PACRG: variants seen among roughly 807,000 people sequenced by gnomAD.
PACRG encodes the protein parkin coregulated.
Under a neutral mutation model 29.7 loss-of-function variants are expected in PACRG, and 29 were observed. The observed-to-expected ratio is 0.98, with a 90% CI of 0.73 to 1.33. The LOEUF (loss-of-function observed/expected upper bound fraction) is 1.33, where lower values mean the gene tolerates loss of function less well. Among genes scored for constraint, PACRG ranks in the 40% most tolerant of loss-of-function variants. PACRG has a pLI of 0.00. For missense variants in PACRG, 279 were observed against 316.2 expected (o/e 0.88, Z 0.89); for synonymous variants, 116 against 118.7 (o/e 0.98, Z 0.15).
chr6:163,172,935 A>G (rs1333567556), intron 4 of PACRG, among the ~76,000 whole-genome samples: 1 of 152,278 alleles, frequency 6.6e-6, no homozygotes, highest in African/African-American at 2.4e-5. Context: ...TACCAATATG[A>G]AAATGGCTAA....
chr6:163,273,740 A>G (rs1370506937), intron 4 of PACRG, among the ~76,000 whole-genome samples: 1 of 151,986 alleles, frequency 6.6e-6, no homozygotes, highest in Admixed American at 6.5e-5. Flanking sequence ...ATTGGCTCAT[A>G]TATTTCACTA....
intron 2 of PACRG, chr6:162,997,292 G>A (rs184180471): frequency 3.3e-5 from 11 of 331,648 alleles, no homozygotes; most frequent in Admixed American, 2.1e-4. Context: ...TTGGATTGTC[G>A]GAATGCATCT....
intron 2 of PACRG, among the ~76,000 whole-genome samples, chr6:162,967,866 C>G (rs1331679529): frequency 6.6e-6 from 1 of 152,110 alleles, no homozygotes; most frequent in Non-Finnish European, 1.5e-5. Flanking sequence ...AAAAATGAGT[C>G]TATCAAACAA....
rs189394682 is a variant in PACRG at position 162,883,126 on chromosome 6, A to G, written c.291+68845A>G. Among the ~76,000 whole-genome samples, 377 of 152,176 alleles carry G rather than the reference A, an allele frequency of 2.5e-3. 2 individuals are homozygous for G. Among genetic ancestry groups the G allele is most frequent in the Non-Finnish European group, 4.1e-3 (282 of 68,006 alleles). Reference sequence around the variant, plus strand: ...TTAAATGATTAAAAATCAGAATTAAAGTCTATGTTTCATTCTGTCACTACC... The same window carrying G: ...TTAAATGATTAAAAATCAGAATTAAGGTCTATGTTTCATTCTGTCACTACC... On this transcript the variant is annotated intron_variant, in intron 2 of 4. Coordinates refer to ENST00000366888, the MANE Select transcript of PACRG (RefSeq NM_001080379.2).
intron 4 of PACRG, among the ~76,000 whole-genome samples, chr6:163,294,219 A>G (rs1040689989): frequency 2.2e-4 from 33 of 152,200 alleles, no homozygotes; most frequent in African/African-American, 8.0e-4. Context: ...ATCTCATATA[A>G]GAAAGTTAAT....
chr6:163,112,638 G>A (rs2128320223), intron 4 of PACRG, among the ~76,000 whole-genome samples: 1 of 152,232 alleles, frequency 6.6e-6, no homozygotes, highest in Non-Finnish European at 1.5e-5. Flanking sequence ...AAGGCAACTA[G>A]AAAGTCACTA....
intron 4 of PACRG, among the ~76,000 whole-genome samples, chr6:163,267,869 T>C (rs1783588716): frequency 6.6e-6 from 1 of 152,218 alleles, no homozygotes; most frequent in Non-Finnish European, 1.5e-5. Context: ...TTTCTCATGC[T>C]TTTCAGCACT....
chr6:163,152,266 A>G (rs1408705), intron 4 of PACRG, among the ~76,000 whole-genome samples: 14,450 of 152,300 alleles, frequency 0.095, 726 homozygotes, highest in Admixed American at 0.13. Context: ...GGGACATTAA[A>G]TGGCTATTTT....
chr6:162,845,232 C>G (rs988014725), intron 2 of PACRG, among the ~76,000 whole-genome samples: 16 of 151,944 alleles, frequency 1.1e-4, no homozygotes, highest in African/African-American at 3.9e-4. Flanking sequence ...GGTTAAAAAA[C>G]AAACAAACAA....
At chr6:163,198,857 G>A (rs771744731) in intron 4 of PACRG, among the ~76,000 whole-genome samples, 2 of 152,202 alleles carry the variant, frequency 1.3e-5, no homozygotes, top group Non-Finnish European at 2.9e-5. Flanking sequence ...AGGGAGACAC[G>A]AGACATCAGT....
At chr6:163,115,339 A>G (rs917900095) in intron 4 of PACRG, among the ~76,000 whole-genome samples, 25 of 152,130 alleles carry the variant, frequency 1.6e-4, no homozygotes, top group African/African-American at 6.0e-4. Flanking sequence ...GATCTTGGAA[A>G]AAGCAGAGAG....
intron 4 of PACRG, among the ~76,000 whole-genome samples, chr6:163,266,543 G>T (rs1783532811): frequency 6.6e-6 from 1 of 152,162 alleles, no homozygotes; most frequent in Non-Finnish European, 1.5e-5. Context: ...AGGATCTTGG[G>T]TCTAAGAGAG....
chr6:162,884,839 T>C (rs1194402689), intron 2 of PACRG, among the ~76,000 whole-genome samples: 1 of 152,152 alleles, frequency 6.6e-6, no homozygotes, highest in Non-Finnish European at 1.5e-5. Context: ...GTCTCAGCGC[T>C]AAAAATCCAG....
intron 2 of PACRG, among the ~76,000 whole-genome samples, chr6:163,014,919 C>T (rs1336988614): frequency 6.6e-6 from 1 of 152,000 alleles, no homozygotes; most frequent in African/African-American, 2.4e-5. Flanking sequence ...TAAATTCTTT[C>T]CCAAGGCCCA....
intron 4 of PACRG, among the ~76,000 whole-genome samples, chr6:163,284,252 C>T (rs181774961): frequency 6.6e-6 from 1 of 152,200 alleles, no homozygotes; most frequent in Non-Finnish European, 1.5e-5. Flanking sequence ...TGCATAAAAA[C>T]AAGCCAAGGT....
At position 163,221,610 on chromosome 6, in the gene PACRG, A is replaced by G. The variant is rs549354072; in HGVS notation, c.614-93217A>G. Among the ~76,000 whole-genome samples, 15 of 152,358 alleles carry G rather than the reference A, an allele frequency of 9.8e-5. 1 individual carries two copies. The South Asian group carries it at 2.9e-3, about 29-fold the overall frequency. Reference sequence around the variant, plus strand: ...TATTTGCAGCCAAGGGAACTATTTGAAAATAACCACAACTTTAAATAAACA... The same window carrying G: ...TATTTGCAGCCAAGGGAACTATTTGGAAATAACCACAACTTTAAATAAACA... On this transcript the variant is annotated intron_variant, in intron 4 of 4. Coordinates refer to ENST00000366888, the MANE Select transcript of PACRG (RefSeq NM_001080379.2).
intron 2 of PACRG, among the ~76,000 whole-genome samples, chr6:162,929,044 G>T (rs929204403): frequency 6.6e-6 from 1 of 151,746 alleles, no homozygotes; most frequent in African/African-American, 2.4e-5. Flanking sequence ...TGATTCCATT[G>T]TTTGCCTATT....
At chr6:162,921,597 T>C (rs938825127) in intron 2 of PACRG, among the ~76,000 whole-genome samples, 28 of 152,208 alleles carry the variant, frequency 1.8e-4, no homozygotes, top group Non-Finnish European at 3.1e-4. Context: ...ACCCAGGCAT[T>C]GGTGTCTTTG....
At chr6:162,959,255 A>G (rs566405534) in intron 2 of PACRG, among the ~76,000 whole-genome samples, 2 of 151,946 alleles carry the variant, frequency 1.3e-5, no homozygotes, top group African/African-American at 2.4e-5. Context: ...TTGGAAGACA[A>G]TAATTGTTAA....
Sources: gnomAD v4.1 joint callset for allele counts (sites outside exome capture counted in the v4.1 genomes callset) on GRCh38, gnomAD v4.1.1 for gene constraint, MANE v1.5 for transcripts, NCBI Gene and HGNC (gene_info 2026-07-23, HGNC 2026-07-21) for gene names.